Variants in DNAH10 observed in about 807,000 individuals in gnomAD.
The protein encoded by DNAH10 is axonemal beta dynein heavy chain 10.
Under a neutral mutation model 506.6 loss-of-function variants are expected in DNAH10, and 348 were observed. The observed-to-expected ratio is 0.69, with a 90% CI of 0.63 to 0.75. The LOEUF (loss-of-function observed/expected upper bound fraction) is 0.75. Ranked by LOEUF, DNAH10 falls within the 30% of genes least tolerant of loss-of-function variation. The pLI, the probability that DNAH10 is intolerant of heterozygous loss-of-function variation, is 0.00. For synonymous variants in DNAH10, 2,059 were observed against 2,198.6 expected (o/e 0.94, Z 1.78); for missense variants, 5,179 against 5,787.1 (o/e 0.89, Z 3.41).
chr12:123,816,863 T>C (rs1466190517), intron 21 of DNAH10, among the ~76,000 whole-genome samples: 3 of 152,226 alleles, frequency 2.0e-5, no homozygotes, highest in African/African-American at 7.2e-5. Context: ...TAGATTCTGC[T>C]AATTTTCCAA....
intron 3 of DNAH10, among the ~76,000 whole-genome samples, chr12:123,772,068 A>G (rs1335103620): frequency 6.6e-6 from 1 of 152,170 alleles, no homozygotes; most frequent in Non-Finnish European, 1.5e-5. Context: ...ACATGCATGA[A>G]GTATTGCCAA....
intron 64 of DNAH10, 24 bp from the exon 65 acceptor site, chr12:123,918,652 A>G (rs1954592604): frequency 1.3e-6 from 2 of 1,531,166 alleles, no homozygotes. Flanking sequence ...TCCTGTTTCC[A>G]GGGTCACCTG....
intron 76 of DNAH10, 38 bp downstream of exon 76, chr12:123,932,146 G>C: frequency 6.2e-7 from 1 of 1,611,440 alleles, no homozygotes; most frequent in Non-Finnish European, 8.5e-7. Context: ...TGCCGATTCA[G>C]GTGTCAGCCT....
chr12:123,923,041 A>G (rs1382435512), intron 65 of DNAH10: 1 of 152,238 alleles, frequency 6.6e-6, no homozygotes, highest in East Asian at 1.9e-4. Context: ...TTCAAATTAC[A>G]AATTTTGACT....
Position 123,933,504 on chromosome 12 carries a change from G to A in DNAH10, c.13470G>A (p.Ala4490=), listed in dbSNP as rs777635726. 10 of 1,600,098 alleles carry A rather than the reference G, an allele frequency of 6.2e-6. No individual in the cohort carries two copies. The African/African-American group carries it at 6.7e-5, about 11-fold the overall frequency. Residue 4490 remains alanine, a synonymous_variant, in exon 77 of 79, where the codon GCG becomes GCA. Transcript: ENST00000673944. ...ATGCAGATGAAGTGAATGAGCGGGC[G>A]GGACAAGGTACCGTCAGCTCGTTAG... The part of the protein sequence containing the change: ...FQDADEVNER[A]GQGCFVSGLY...
chr12:123,767,892 A>G, intron 2 of DNAH10, among the ~76,000 whole-genome samples: 1 of 152,158 alleles, frequency 6.6e-6, no homozygotes, highest in East Asian at 1.9e-4. Context: ...GTGGCTGAAA[A>G]CAACACAGAT....
chr12:123,769,570 A>G (rs1957172977), intron 2 of DNAH10, among the ~76,000 whole-genome samples: 2 of 152,232 alleles, frequency 1.3e-5, no homozygotes. Flanking sequence ...TTCGGAGCCC[A>G]GTACATCCAT....
chr12:123,858,338 G>A (rs1438133187), intron 37 of DNAH10, among the ~76,000 whole-genome samples: 5 of 152,130 alleles, frequency 3.3e-5, no homozygotes, highest in South Asian at 2.1e-4. Context: ...GCCTCGGGTC[G>A]GGCAGCTTCA....
chr12:123,864,626 C>G lies in DNAH10; in HGVS notation c.6940C>G (p.Leu2314Val), dbSNP rs773625569. ...YILFDGDVDA[L>V]WVENMNSVMD... The stretch of plus-strand genomic sequence containing the variant: ...TTTATTTGATGGTGATGTGGATGCT[C>G]TATGGGTGGAAAACATGAATTCTGT... Residue 2314 changes from leucine (L) to valine (V), a missense_variant, in exon 40 of 79, where the codon CTA becomes GTA. Around this residue, in one of 3 missense-constraint regions of DNAH10, gnomAD observed 4,844 missense variants for 5,430.5 expected, o/e 0.89. Transcript: ENST00000673944. 2.5e-6 allele frequency: 4 copies of G among 1,613,954 alleles called. No individual in the cohort carries two copies. Among genetic ancestry groups the G allele is most frequent in the Non-Finnish European group, 1.7e-6 (2 of 1,179,900 alleles).
chr12:123,896,534 G>A (rs1386809441), intron 54 of DNAH10, among the ~76,000 whole-genome samples: 1 of 152,104 alleles, frequency 6.6e-6, no homozygotes, highest in Non-Finnish European at 1.5e-5. Flanking sequence ...GTCATCCAGC[G>A]GTGGGTAACC....
intron 40 of DNAH10, among the ~76,000 whole-genome samples, chr12:123,865,014 A>G (rs1213959280): frequency 6.6e-6 from 1 of 152,212 alleles, no homozygotes; most frequent in Non-Finnish European, 1.5e-5. Context: ...TAGTTTATAC[A>G]TTATCTGTTG....
intron 28 of DNAH10, 42 bp from the exon 29 acceptor site, chr12:123,838,414 C>T (rs1166212254): frequency 7.1e-6 from 11 of 1,559,680 alleles, no homozygotes; most frequent in Non-Finnish European, 9.6e-6. Flanking sequence ...CTCCGCTCTC[C>T]CTGCTCACCC....
rs569807517 is a variant in DNAH10 at position 123,881,703 on chromosome 12, C to T, written c.8713C>T (p.Arg2905Trp). ...LFDDALEHLT[R>W]VHRIIRMDRG... ...CGACGATGCTCTGGAGCATTTAACC[C>T]GGGTGCACCGTATCATCCGCATGGA... is the stretch of plus-strand genomic sequence containing the variant. The change falls in exon 51 of 79, where the codon CGG becomes TGG. Residue 2905 changes from arginine (R) to tryptophan (W), a missense_variant. Transcript: ENST00000673944. 4.1e-5 allele frequency: 63 copies of T among 1,550,110 alleles called. No homozygotes were observed. The highest frequency in any genetic ancestry group is 5.0e-5 in the Non-Finnish European group (57 of 1,146,512).
intron 12 of DNAH10, among the ~76,000 whole-genome samples, chr12:123,794,677 C>G (rs763178247): frequency 2.7e-4 from 41 of 151,592 alleles, no homozygotes; most frequent in Middle Eastern, 3.4e-3. Flanking sequence ...AAAACTCCAT[C>G]TCTACAAAAA....
chr12:123,830,553 A>G lies in DNAH10; in HGVS notation c.4399A>G (p.Lys1467Glu), dbSNP rs750622677. 3 of 1,613,138 alleles carry G rather than the reference A, an allele frequency of 1.9e-6. No homozygotes were observed. The highest frequency in any genetic ancestry group is 1.7e-6 in the Non-Finnish European group (2 of 1,179,540). ...KNEALRDRHW[K>E]ELMEKTSVFF... ...ATGCTGATGTGCTTTCAGGCATTGG[A>G]AAGAACTTATGGAAAAAACGTCTGT... Residue 1467 changes from lysine to glutamate, a missense_variant, in exon 26 of 79, where the codon AAA (lysine) becomes GAA (glutamate). Transcript: ENST00000673944.
At chr12:123,893,111 AC>A (rs2137182278) in intron 52 of DNAH10, 121 bp from the exon 53 acceptor site, 1 of 1,054,820 alleles carries the variant, frequency 9.5e-7, no homozygotes, top group East Asian at 2.6e-5. Flanking sequence ...GGTCAGGCCC[AC>A]ACGCTGCTCT....
intron 45 of DNAH10, 71 bp downstream of exon 45, chr12:123,871,673 CA>C: frequency 6.7e-7 from 1 of 1,489,324 alleles, no homozygotes; most frequent in South Asian, 1.2e-5. Context: ...AGCTTCATAC[CA>C]CAAGCACTGT....
chr12:123,831,048 A>AT (rs1960491132), intron 26 of DNAH10, among the ~76,000 whole-genome samples: 1 of 152,184 alleles, frequency 6.6e-6, no homozygotes. Context: ...CCTTAATTAA[A>AT]TTTTTTGTTG....
intron 56 of DNAH10, among the ~76,000 whole-genome samples, chr12:123,900,263 A>G (rs539103823): frequency 1.3e-5 from 2 of 152,294 alleles, no homozygotes; most frequent in South Asian, 4.1e-4. Flanking sequence ...AAAAAACTAT[A>G]TATTCCTGGC....
Sources: allele counts gnomAD v4.1 joint callset (sites outside exome capture counted in the v4.1 genomes callset), GRCh38; gene constraint gnomAD v4.1.1; regional missense constraint gnomAD v4.1.1; transcripts MANE v1.5; gene names NCBI Gene and HGNC (gene_info 2026-07-23, HGNC 2026-07-21).